Variants in NHS observed in about 807,000 individuals in gnomAD.
NHS encodes NHS actin remodeling regulator, also known as actin remodeling regulator NHS.
Under a neutral mutation model 72.5 loss-of-function variants are expected in NHS, and 5 were observed. The observed-to-expected ratio is 0.07, with a 90% CI of 0.04 to 0.14. The LOEUF is 0.14. Ranked by LOEUF, NHS falls within the 10% of genes least tolerant of loss-of-function variation. NHS has a pLI of 1.00. For synonymous variants in NHS, 464 were observed against 547.7 expected (o/e 0.85, Z 2.13); for missense variants, 1,072 against 1,355.7 (o/e 0.79, Z 3.29).
intron 1 of NHS, among the ~76,000 whole-genome samples, chrX:17,566,172 G>A (rs1435108039): frequency 9.2e-6 from 1 of 109,034 alleles, no homozygotes; most frequent in African/African-American, 3.4e-5. Context: ...TTGTAGAGAC[G>A]GAATTTCACC....
At chrX:17,514,595 G>C (rs1218625009) in intron 1 of NHS, among the ~76,000 whole-genome samples, 3 of 111,826 alleles carry the variant, frequency 2.7e-5, no homozygotes, top group African/African-American at 3.3e-5. Flanking sequence ...GCCTATTGTA[G>C]GACTTCACCT....
chrX:17,426,966 G>A (rs1276272744), intron 1 of NHS, among the ~76,000 whole-genome samples: 1 of 111,634 alleles, frequency 9.0e-6, no homozygotes, highest in East Asian at 2.8e-4. Flanking sequence ...CAGAAAAGGG[G>A]CTACTTCCTG....
At chrX:17,597,059 G>A (rs1239087757) in intron 1 of NHS, among the ~76,000 whole-genome samples, 1 of 110,131 alleles carries the variant, frequency 9.1e-6, no homozygotes, top group East Asian at 2.9e-4. Flanking sequence ...GAAATGTTTT[G>A]GTGTAAAACT....
chrX:17,585,485 G>A (rs2065569980), intron 1 of NHS, among the ~76,000 whole-genome samples: 1 of 111,516 alleles, frequency 9.0e-6, no homozygotes, highest in Admixed American at 9.5e-5. Flanking sequence ...GGCGATGTGA[G>A]TGAAGAAGCA....
intron 1 of NHS, among the ~76,000 whole-genome samples, chrX:17,669,432 A>G (rs1399635808): frequency 1.8e-5 from 2 of 112,245 alleles, no homozygotes; most frequent in Non-Finnish European, 3.8e-5. Context: ...ATATGAATGG[A>G]TAAGAACGTT....
chrX:17,638,258 A>G lies in NHS; in HGVS notation c.566-49484A>G, dbSNP rs2065860849. Among the ~76,000 whole-genome samples, 5 of 112,195 alleles carry G rather than the reference A, an allele frequency of 4.5e-5. No homozygotes were observed. The Admixed American group carries it at 4.7e-4, about 11-fold the overall frequency. ...CTTAGTTCATTCCTGGGAACCCTGC[A>G]TTCAGAGGGAGCAAGGCATAGGCTG... On this transcript the variant is annotated intron_variant, in intron 1 of 8. Transcript: ENST00000676302.
intron 1 of NHS, among the ~76,000 whole-genome samples, chrX:17,616,245 G>A (rs192327736): frequency 2.1e-4 from 24 of 112,716 alleles, no homozygotes; most frequent in Non-Finnish European, 3.7e-5. Context: ...TGGCTGGGTG[G>A]CGCCACCTCT....
At chrX:17,505,051 GTAAA>G (rs1288899715) in intron 1 of NHS, among the ~76,000 whole-genome samples, 1 of 110,759 alleles carries the variant, frequency 9.0e-6, no homozygotes, top group Non-Finnish European at 1.9e-5. Context: ...TATATATAAT[GTAAA>G]TAAATCTATC....
At chrX:17,538,574 G>C (rs1237656575) in intron 1 of NHS, among the ~76,000 whole-genome samples, 2 of 111,674 alleles carry the variant, frequency 1.8e-5, no homozygotes, top group East Asian at 5.6e-4. Flanking sequence ...CAGAGATGTT[G>C]AGTCCTGGCA....
At chrX:17,430,642 C>T (rs1437107997) in intron 1 of NHS, among the ~76,000 whole-genome samples, 3 of 110,862 alleles carry the variant, frequency 2.7e-5, no homozygotes, top group South Asian at 3.8e-4. Context: ...TACTCCTCCC[C>T]GCAGCCTCTG....
intron 1 of NHS, among the ~76,000 whole-genome samples, chrX:17,379,326 A>G (rs1426595905): frequency 9.0e-6 from 1 of 110,512 alleles, no homozygotes; most frequent in Non-Finnish European, 1.9e-5. Flanking sequence ...CTAGGGAGGT[A>G]GCTGTAGAGA....
chrX:17,477,641 C>T (rs982356295), intron 1 of NHS, among the ~76,000 whole-genome samples: 7 of 112,226 alleles, frequency 6.2e-5, no homozygotes, highest in Non-Finnish European at 9.4e-5. Flanking sequence ...TTGTGCAAAG[C>T]ACATCTTCTA....
chrX:17,554,353 A>T (rs1601766465), intron 1 of NHS, among the ~76,000 whole-genome samples: 1 of 112,164 alleles, frequency 8.9e-6, no homozygotes, highest in African/African-American at 3.2e-5. Context: ...TCCTCAGAAC[A>T]CTGTGCAGAG....
At chrX:17,561,574 G>GCACACACACACACACACA (rs530971006) in intron 1 of NHS, among the ~76,000 whole-genome samples, 9 of 65,401 alleles carry the variant, frequency 1.4e-4, no homozygotes, top group East Asian at 5.9e-4. Flanking sequence ...GCGCGCGCGC[G>GCACACACACACACACACA]CACACACACA....
intron 1 of NHS, among the ~76,000 whole-genome samples, chrX:17,541,767 AAC>A (rs57700886): frequency 0.086 from 5,375 of 62,733 alleles, 232 homozygotes; most frequent in Middle Eastern, 0.13. Flanking sequence ...TGAGTTTGCG[AAC>A]ACACACACAC....
At chrX:17,427,030 A>G (rs2064660621) in intron 1 of NHS, among the ~76,000 whole-genome samples, 1 of 112,215 alleles carries the variant, frequency 8.9e-6, no homozygotes. Context: ...ACCCCAGATC[A>G]CTTGGCATGC....
At chrX:17,413,584 T>G (rs2064574300) in intron 1 of NHS, among the ~76,000 whole-genome samples, 1 of 112,483 alleles carries the variant, frequency 8.9e-6, no homozygotes, top group Admixed American at 9.4e-5. Context: ...GAAACTATAG[T>G]CATTTGCCCA....
At chrX:17,642,233 G>A (rs975851799) in intron 1 of NHS, among the ~76,000 whole-genome samples, 2 of 111,977 alleles carry the variant, frequency 1.8e-5, no homozygotes, top group East Asian at 2.8e-4. Context: ...GGCGTGAGCC[G>A]CCACGCTCGA....
At chrX:17,603,700 C>G (rs767008869) in intron 1 of NHS, among the ~76,000 whole-genome samples, 1 of 111,896 alleles carries the variant, frequency 8.9e-6, no homozygotes, top group Non-Finnish European at 1.9e-5. Flanking sequence ...GACTTCACAC[C>G]GTGGCTCAAC....
Sources: allele counts gnomAD v4.1 joint callset (sites outside exome capture counted in the v4.1 genomes callset), GRCh38; gene constraint gnomAD v4.1.1; transcripts MANE v1.5; gene names NCBI Gene and HGNC (gene_info 2026-07-23, HGNC 2026-07-21).